Variants in FAM107B observed in about 807,000 individuals in gnomAD.
FAM107B encodes the protein protein FAM107B.
FAM107B carries 21 observed loss-of-function variants against 31.5 expected under a neutral mutation model. The ratio of observed to expected loss-of-function variants is 0.67; its 90% CI spans 0.47 to 0.96. The LOEUF (loss-of-function observed/expected upper bound fraction) is 0.96. Among genes scored for constraint, FAM107B ranks in the 40% least tolerant of loss-of-function variants. The probability of loss-of-function intolerance (pLI) is 0.00; values close to 1 mark genes in which losing one functional copy is unlikely to be tolerated. For synonymous variants in FAM107B, 157 were observed against 141.5 expected (o/e 1.11, Z -0.78); for missense variants, 452 against 377.1 (o/e 1.20, Z -1.64).
chr10:14,665,588 G>A (rs149722164), intron 2 of FAM107B, among the ~76,000 whole-genome samples: 2 of 152,330 alleles, frequency 1.3e-5, no homozygotes, highest in East Asian at 1.9e-4. Flanking sequence ...CATCCTCCCA[G>A]CCTTCTTCTC....
chr10:14,713,764 G>T (rs1467811995), intron 1 of FAM107B, among the ~76,000 whole-genome samples: 1 of 152,164 alleles, frequency 6.6e-6, no homozygotes, highest in African/African-American at 2.4e-5. Context: ...CAATAGCAAA[G>T]ACATGAAATA....
chr10:14,533,929 AG>A lies in FAM107B; in HGVS notation c.470-3415del, dbSNP rs58204092. 7.3e-5 allele frequency among the ~76,000 whole-genome samples: 11 copies of A among 151,468 alleles called. No homozygotes were observed. The East Asian group carries it at 1.2e-3, about 16-fold the overall frequency. On this transcript the variant is annotated intron_variant, in intron 2 of 4. Coordinates refer to ENST00000181796, the MANE Select transcript of FAM107B (RefSeq NM_031453.4). ...CACGGGCACTGCGAGCCGGTGCAGG[AG>A]GGGGGGGCTGCGGTTGACTTTTCAG...
intron 1 of FAM107B, among the ~76,000 whole-genome samples, chr10:14,751,691 A>G (rs1271878647): frequency 3.3e-5 from 5 of 152,018 alleles, no homozygotes; most frequent in African/African-American, 1.2e-4. Flanking sequence ...ATTATTTGAA[A>G]AAACTGTGAG....
intron 1 of FAM107B, among the ~76,000 whole-genome samples, chr10:14,672,356 G>A (rs566715585): frequency 1.3e-4 from 20 of 152,258 alleles, no homozygotes; most frequent in African/African-American, 4.8e-4. Flanking sequence ...CCAAACTGCT[G>A]GGATTACAGG....
chr10:14,766,920 A>AGGGAACAC (rs1833173860), intron 1 of FAM107B, among the ~76,000 whole-genome samples: 1 of 148,782 alleles, frequency 6.7e-6, no homozygotes, highest in Non-Finnish European at 1.5e-5. Context: ...ACTGAAGAGG[A>AGGGAACAC]GGGAACACTT....
At chr10:14,570,973 C>G (rs35608437) in intron 2 of FAM107B, among the ~76,000 whole-genome samples, 11,773 of 151,898 alleles carry the variant, frequency 0.078, 597 homozygotes, top group East Asian at 0.18. Flanking sequence ...TTAGCTCAGG[C>G]TGCTATAACA....
intron 1 of FAM107B, among the ~76,000 whole-genome samples, chr10:14,691,368 T>C (rs1290167345): frequency 4.6e-5 from 7 of 152,198 alleles, no homozygotes; most frequent in Admixed American, 1.3e-4. Context: ...GTCTAAGACA[T>C]GATCAAGTGC....
chr10:14,696,212 C>T (rs1466966787), intron 1 of FAM107B, among the ~76,000 whole-genome samples: 1 of 152,340 alleles, frequency 6.6e-6, no homozygotes, highest in East Asian at 1.9e-4. Context: ...TTGCTGAATG[C>T]TTTTTCTGCA....
chr10:14,540,300 T>C (rs996117504), intron 2 of FAM107B, among the ~76,000 whole-genome samples: 41 of 152,364 alleles, frequency 2.7e-4, no homozygotes, highest in African/African-American at 9.6e-4. Flanking sequence ...CCTGTGCTTC[T>C]GGCCCTCAAT....
intron 1 of FAM107B, among the ~76,000 whole-genome samples, chr10:14,688,265 C>T (rs960335559): frequency 5.9e-5 from 9 of 152,222 alleles, no homozygotes; most frequent in Non-Finnish European, 1.0e-4. Context: ...GCTGCACTGT[C>T]GGCTTCCCTA....
At chr10:14,567,917 G>C (rs907625727) in intron 2 of FAM107B, among the ~76,000 whole-genome samples, 1 of 152,152 alleles carries the variant, frequency 6.6e-6, no homozygotes, top group Admixed American at 6.5e-5. Context: ...TTAGTCCTCA[G>C]ACTGAACATC....
Position 14,691,828 on chromosome 10 carries a change from A to G in FAM107B, c.412-24137T>C, listed in dbSNP as rs563433784. 2.5e-3 allele frequency among the ~76,000 whole-genome samples: 366 copies of G among 144,622 alleles called. 5 individuals carry two copies. Among genetic ancestry groups the G allele is most frequent in the African/African-American group, 8.1e-3 (314 of 38,782 alleles). The allele number at this position is 144,622 out of a possible 152,430, so 94.9% of individuals were successfully genotyped here. The stretch of plus-strand genomic sequence containing the variant: ...AGAATTGCTTGAACCTGGGAAGCGG[A>G]GGTTGCAGTGAGCTGAGATCGTGCC... On this transcript the variant is annotated intron_variant, in intron 1 of 4. Transcript: ENST00000181796.
At chr10:14,742,886 C>T (rs1832647739) in intron 1 of FAM107B, among the ~76,000 whole-genome samples, 1 of 152,166 alleles carries the variant, frequency 6.6e-6, no homozygotes, top group Non-Finnish European at 1.5e-5. Flanking sequence ...GCCACCACTC[C>T]ACTGCGACAA....
chr10:14,674,777 C>A (rs983467365), intron 1 of FAM107B, among the ~76,000 whole-genome samples: 2 of 152,124 alleles, frequency 1.3e-5, no homozygotes, highest in Non-Finnish European at 2.9e-5. Flanking sequence ...CTCTGTTGCC[C>A]AGGCTGGAGT....
At chr10:14,558,181 G>A (rs549999525) in intron 2 of FAM107B, among the ~76,000 whole-genome samples, 1 of 137,296 alleles carries the variant, frequency 7.3e-6, no homozygotes, top group African/African-American at 2.5e-5. Flanking sequence ...CCCCACCAGT[G>A]TGTGTGTGCA....
At chr10:14,679,356 C>T (rs1376571769) in intron 1 of FAM107B, among the ~76,000 whole-genome samples, 1 of 152,132 alleles carries the variant, frequency 6.6e-6, no homozygotes, top group Non-Finnish European at 1.5e-5. Context: ...GTCTTGAACT[C>T]CTGGCCTCAA....
chr10:14,549,684 G>A (rs1236815919), intron 2 of FAM107B, among the ~76,000 whole-genome samples: 1 of 151,968 alleles, frequency 6.6e-6, no homozygotes, highest in African/African-American at 2.4e-5. Context: ...ACAAAAGCAG[G>A]GCAACCCCAG....
At chr10:14,612,949 A>G (rs1852760424) in intron 2 of FAM107B, among the ~76,000 whole-genome samples, 2 of 152,270 alleles carry the variant, frequency 1.3e-5, no homozygotes, top group Admixed American at 1.3e-4. Flanking sequence ...ACTCAGGATG[A>G]AATAGGTAAA....
chr10:14,559,938 A>T (rs1370648652), intron 2 of FAM107B, among the ~76,000 whole-genome samples: 2 of 152,126 alleles, frequency 1.3e-5, no homozygotes, highest in Non-Finnish European at 2.9e-5. Flanking sequence ...TGTGGAGAGA[A>T]TAATACTAGT....
Sources: allele counts gnomAD v4.1 joint callset (sites outside exome capture counted in the v4.1 genomes callset), GRCh38; gene constraint gnomAD v4.1.1; transcripts MANE v1.5; gene names NCBI Gene and HGNC (gene_info 2026-07-23, HGNC 2026-07-21).